NCL: variants seen among roughly 807,000 people sequenced by gnomAD.
NCL encodes nucleolin multifunctional protein.
Under a neutral mutation model 77.7 loss-of-function variants are expected in NCL, and 4 were observed. The observed-to-expected ratio is 0.05, with a 90% CI of 0.03 to 0.12. The LOEUF (loss-of-function observed/expected upper bound fraction) is 0.12, where lower values mean the gene tolerates loss of function less well. NCL is among the 10% of genes least tolerant of loss of function. The pLI is 1.00. For missense variants in NCL, 763 were observed against 860.9 expected (o/e 0.89, Z 1.42); for synonymous variants, 344 against 297.8 (o/e 1.16, Z -1.60).
At chr2:231,464,217 C>T (rs2046978737) in intron 1 of NCL, 119 bp downstream of exon 1, 1 of 1,487,272 alleles carries the variant, frequency 6.7e-7, no homozygotes, top group Non-Finnish European at 9.1e-7. Flanking sequence ...CGAGACTTCC[C>T]GCAGCATGGC....
intron 3 of NCL, 48 bp from the exon 4 acceptor site, chr2:231,460,914 A>G (rs1387197141): frequency 7.2e-7 from 1 of 1,390,246 alleles, no homozygotes; most frequent in Admixed American, 1.7e-5. Context: ...CAAAACCAAC[A>G]TCGGTTTTCA....
Position 231,454,877 on chromosome 2 carries a change from AAAAG to A in NCL, c.*310_*313del, listed in dbSNP as rs1196647095. The stretch of plus-strand genomic sequence containing the variant: ...AAAAAAAAACAAAAACAAAACAAAA[AAAAG>A]AAACAACAACAAAACCCAAACTATT... On this transcript the variant is annotated 3_prime_UTR_variant, in exon 14 of 14. Coordinates refer to ENST00000322723, the MANE Select transcript of NCL (RefSeq NM_005381.3). 3 of 241,794 alleles carry A rather than the reference AAAAG, an allele frequency of 1.2e-5. No individual in the cohort carries two copies. Among genetic ancestry groups the A allele is most frequent in the African/African-American group, 2.2e-5 (1 of 44,656 alleles). 15.0% of individuals were successfully genotyped at this position (241,794 alleles called of 1,614,324 possible). A position where few individuals can be genotyped will look rare whatever the true frequency, so the allele number is the denominator to read the frequency against.
chr2:231,455,470 A>G lies in NCL; in HGVS notation c.1987T>C (p.Phe663Leu), dbSNP rs776324322. 1.9e-6 allele frequency: 3 copies of G among 1,614,006 alleles called. No individual in the cohort carries two copies. The highest frequency in any genetic ancestry group is 2.5e-6 in the Non-Finnish European group (3 of 1,179,994). Residue 663 changes from phenylalanine (F) to leucine (L), a missense_variant, in exon 13 of 14, where the codon TTT becomes CTT. Physicochemically the swap from Phe to Leu is conservative, Grantham distance 22 (BLOSUM62 0). Coordinates refer to ENST00000322723, the MANE Select transcript of NCL (RefSeq NM_005381.3). Reference sequence around the variant, plus strand: ...CCTCTACCACCACCTCGTCCTCCAAAGCCGCCTCTGCCTCCACCACGACCC... The same window carrying G: ...CCTCTACCACCACCTCGTCCTCCAAGGCCGCCTCTGCCTCCACCACGACCC... Reference protein sequence around the residue: ...FGGRGGGRGGFGGRGGGRGGR... With the variant: ...FGGRGGGRGGLGGRGGGRGGR...
At chr2:231,458,220 G>C in intron 8 of NCL, 46 bp downstream of exon 8, 1 of 1,588,534 alleles carries the variant, frequency 6.3e-7, no homozygotes, top group Non-Finnish European at 8.6e-7. Flanking sequence ...GCAGGAAAGT[G>C]CATTAATGTT....
Position 231,461,685 on chromosome 2 carries a change from A to G in NCL, c.468T>C (p.Asp156=), listed in dbSNP as rs1553647556. Residue 156 remains aspartate, a synonymous_variant, in exon 3 of 14, where the codon GAT becomes GAC. Coordinates refer to ENST00000322723, the MANE Select transcript of NCL (RefSeq NM_005381.3). The stretch of plus-strand genomic sequence containing the variant: ...CATCCTCGTCCTCGTCATCCTCCTC[A>G]TCCTCCTCACTGTCATCATCCTCCT... The part of the protein sequence containing the change: ...DEEEDDDSEE[D]EEDDEDEDED... 1.9e-6 allele frequency: 3 copies of G among 1,612,920 alleles called. No homozygotes were observed. The highest frequency in any genetic ancestry group is 4.5e-5 in the East Asian group (2 of 44,864).
intron 1 of NCL, chr2:231,464,109 CTG>C (rs1444620616): frequency 2.2e-6 from 3 of 1,371,984 alleles, no homozygotes; most frequent in African/African-American, 2.9e-5. Flanking sequence ...CTCAGTGACT[CTG>C]TCTTTCCCGC....
chr2:231,458,536 G>C (rs142849599), intron 7 of NCL, 147 bp from the exon 8 acceptor site: 4 of 1,000,242 alleles, frequency 4.0e-6, no homozygotes, highest in African/African-American at 1.6e-5. Context: ...TAAATATGGA[G>C]ATATAGCAGT....
chr2:231,460,656 C>A lies in NCL; in HGVS notation c.811+13G>T. Reference sequence around the variant, plus strand: ...CATAACTCATGTCGTATGTCAGAATCTAATTTAAGTACCTTCCTCCTCCTC... The same window carrying A: ...CATAACTCATGTCGTATGTCAGAATATAATTTAAGTACCTTCCTCCTCCTC... On this transcript the variant is annotated intron_variant, in intron 4 of 13. Coordinates refer to ENST00000322723, the MANE Select transcript of NCL (RefSeq NM_005381.3). The A allele has an allele frequency of 6.2e-7, 1 of 1,614,108 alleles. No homozygotes were observed. Among genetic ancestry groups the A allele is most frequent in the Non-Finnish European group, 8.5e-7 (1 of 1,180,026 alleles).
Position 231,460,509 on chromosome 2 carries a change from T to A in NCL, c.867A>T (p.Ala289=). ...KRKKEMAKQK[A]APEAKKQKVE... Reference sequence around the variant, plus strand: ...CTTTCTGTTTCTTGGCTTCAGGAGCTGCTTTCTGTTTGGCCATTTCCTTCT... The same window carrying A: ...CTTTCTGTTTCTTGGCTTCAGGAGCAGCTTTCTGTTTGGCCATTTCCTTCT... Residue 289 remains alanine, a synonymous_variant, in exon 5 of 14, where the codon GCA becomes GCT. Transcript: ENST00000322723. 1.9e-6 allele frequency: 3 copies of A among 1,614,248 alleles called. No homozygotes were observed. The African/African-American group carries it at 4.0e-5, about 22-fold the overall frequency.
rs374915144 is a variant in NCL at position 231,458,301 on chromosome 2, C to T, written c.1254G>A (p.Glu418=). 1 of 1,614,066 alleles carries T rather than the reference C, an allele frequency of 6.2e-7. No homozygotes were observed. Among genetic ancestry groups the T allele is most frequent in the Non-Finnish European group, 8.5e-7 (1 of 1,179,972 alleles). ...TCCCATCCTTGCTGACTAATCTGAT[C>T]TCCGCAGCATCTTCAAACACTTCTT... is the stretch of plus-strand genomic sequence containing the variant. ...ELKEVFEDAA[E]IRLVSKDGKS... The change falls in exon 8 of 14, where the codon GAG becomes GAA. Residue 418 remains glutamate (E), a synonymous_variant. Coordinates refer to ENST00000322723, the MANE Select transcript of NCL (RefSeq NM_005381.3).
intron 4 of NCL, 52 bp from the exon 5 acceptor site, chr2:231,460,616 A>G (rs954470502): frequency 3.1e-6 from 5 of 1,614,000 alleles, no homozygotes; most frequent in African/African-American, 2.7e-5. Context: ...CAAACACTTA[A>G]GTGCCTCCTT....
chr2:231,461,784 A>T lies in NCL; in HGVS notation c.369T>A (p.Gly123=), dbSNP rs968405919. Residue 123 remains glycine (G), a synonymous_variant, in exon 3 of 14, where the codon GGT becomes GGA. Transcript: ENST00000322723. ...TGGCTGGGATGGCAGCACCCTTCTTACCAGGAGTTGCTACCAATGCTTTGC... is the reference window on the plus strand; with the variant it reads ...TGGCTGGGATGGCAGCACCCTTCTTTCCAGGAGTTGCTACCAATGCTTTGC... ...TPGKALVATP[G]KKGAAIPAKG... 1.1e-5 allele frequency: 18 copies of T among 1,613,940 alleles called. No homozygotes were observed. The African/African-American group carries it at 2.4e-4, about 22-fold the overall frequency.
In NCL at chr2:231,464,446, G is replaced by A. The variant is rs1356680452; in HGVS notation, c.-93C>T. 19 of 1,509,594 alleles carry A rather than the reference G, an allele frequency of 1.3e-5. No homozygotes were observed. The highest frequency in any genetic ancestry group is 1.7e-5 in the Non-Finnish European group (19 of 1,107,708). The allele number at this position is 1,509,594 out of a possible 1,614,324, so 93.5% of individuals were successfully genotyped here. Reference sequence around the variant, plus strand: ...GGCGGCCGCGGGTGCTGAAGATCCCGGAGCACGTACACCCGAAGGCCAGCG... The same window carrying A: ...GGCGGCCGCGGGTGCTGAAGATCCCAGAGCACGTACACCCGAAGGCCAGCG... On this transcript the variant is annotated 5_prime_UTR_variant, in exon 1 of 14. Transcript: ENST00000322723.
At chr2:231,456,600 C>T in intron 11 of NCL, 31 bp downstream of exon 11, 1 of 1,613,486 alleles carries the variant, frequency 6.2e-7, no homozygotes, top group Non-Finnish European at 8.5e-7. Flanking sequence ...GTGCTACCCC[C>T]AACCACAGCA....
intron 2 of NCL, 47 bp downstream of exon 2, chr2:231,463,153 C>T (rs752070178): frequency 2.0e-5 from 27 of 1,356,820 alleles, no homozygotes; most frequent in Non-Finnish European, 2.7e-5. Context: ...CTTAACTCTC[C>T]ATTTTGTAGT....
rs575678177 is a variant in NCL at position 231,459,023 on chromosome 2, T to C, written c.1143A>G (p.Pro381=). Residue 381 remains proline, a synonymous_variant, in exon 7 of 14, where the codon CCA becomes CCG. Transcript: ENST00000322723. Reference sequence around the variant, plus strand: ...TACCTTTCTTACTGTCTTTTCCTTTTGGTTTCTCTAGTTTAATTTCATTGC... The same window carrying C: ...TACCTTTCTTACTGTCTTTTCCTTTCGGTTTCTCTAGTTTAATTTCATTGC... ...VFGNEIKLEK[P]KGKDSKKERD... is the part of the protein sequence containing the mutation. 52 of 1,597,672 alleles carry C rather than the reference T, an allele frequency of 3.3e-5. No individual in the cohort carries two copies. In the South Asian group the frequency reaches 5.9e-4, roughly 18 times the overall value.
rs922888594 is a variant in NCL at position 231,454,942 on chromosome 2, A to T, written c.*249T>A. 7.6e-5 allele frequency: 31 copies of T among 407,084 alleles called. No homozygotes were observed. Among genetic ancestry groups the T allele is most frequent in the Non-Finnish European group, 1.2e-4 (28 of 227,990 alleles). The allele number at this position is 407,084 out of a possible 1,614,324, so 25.2% of individuals were successfully genotyped here. ...AATGGTTTTGTACATGGGATGAAAC[A>T]ATATAAATTCAAAACTTACAGATAA... On this transcript the variant is annotated 3_prime_UTR_variant, in exon 14 of 14. Coordinates refer to ENST00000322723, the MANE Select transcript of NCL (RefSeq NM_005381.3).
Position 231,461,670 on chromosome 2 carries a change from CTCGTCA to C in NCL, c.477_482del (p.Asp159_Asp160del), listed in dbSNP as rs753751720. 2 of 1,611,770 alleles carry C rather than the reference CTCGTCA, an allele frequency of 1.2e-6. No individual in the cohort carries two copies. Among genetic ancestry groups the C allele is most frequent in the Middle Eastern group, 3.3e-4 (2 of 6,060 alleles). On this transcript the variant is annotated inframe_deletion, in exon 3 of 14. Coordinates refer to ENST00000322723, the MANE Select transcript of NCL (RefSeq NM_005381.3). ...TTTCATCTTCATCCTCATCCTCGTC[CTCGTCA>C]TCCTCCTCATCCTCCTCACTGTCAT...
rs1258299480 is a variant in NCL at position 231,456,942 on chromosome 2, C to T, written c.1571+59G>A. The T allele has an allele frequency of 2.5e-6, 4 of 1,591,126 alleles. No individual in the cohort carries two copies. The African/African-American group carries it at 4.1e-5, about 16-fold the overall frequency. The stretch of plus-strand genomic sequence containing the variant: ...TGACAGGATCACATGACCTTACGTT[C>T]CTTTAGACCTCTAAGACATATATAG... On this transcript the variant is annotated intron_variant, in intron 10 of 13. Coordinates refer to ENST00000322723, the MANE Select transcript of NCL (RefSeq NM_005381.3).
Sources: allele counts gnomAD v4.1 joint callset, GRCh38; gene constraint gnomAD v4.1.1; transcripts MANE v1.5; gene names NCBI Gene and HGNC (gene_info 2026-07-23, HGNC 2026-07-21).